The following SNTG1 variants were observed in gnomAD, a reference collection of about 807,000 sequenced individuals.
SNTG1 encodes the protein gamma-1-syntrophin.
In SNTG1, 39 loss-of-function variants were observed where a neutral mutation model predicts 74.7. The ratio of observed to expected loss-of-function variants is 0.52; its 90% CI spans 0.40 to 0.68. SNTG1 has a LOEUF of 0.68. Ranked by LOEUF, SNTG1 falls within the 30% of genes least tolerant of loss-of-function variation. SNTG1 has a pLI of 0.00. For missense variants in SNTG1, 685 were observed against 609.5 expected (o/e 1.12, Z -1.30); for synonymous variants, 254 against 217.1 (o/e 1.17, Z -1.49).
intron 3 of SNTG1, among the ~76,000 whole-genome samples, chr8:50,395,353 C>T (rs958186106): frequency 6.6e-6 from 1 of 151,446 alleles, no homozygotes; most frequent in Non-Finnish European, 1.5e-5. Flanking sequence ...TTTTTGTTTA[C>T]AAACCTTTCT....
At chr8:50,448,044 G>C (rs1383820) in intron 5 of SNTG1, among the ~76,000 whole-genome samples, 6 of 151,772 alleles carry the variant, frequency 4.0e-5, no homozygotes, top group Non-Finnish European at 7.4e-5. Flanking sequence ...CTCTGTTCAG[G>C]TCAGAGGCAG....
chr8:50,413,118 T>A (rs1051715280), intron 4 of SNTG1, among the ~76,000 whole-genome samples: 1 of 152,234 alleles, frequency 6.6e-6, no homozygotes, highest in South Asian at 2.1e-4. Flanking sequence ...TACAGATTTG[T>A]CATACTTACA....
chr8:50,459,042 AGTTTT>A (rs2093535133), intron 8 of SNTG1, among the ~76,000 whole-genome samples: 2 of 152,142 alleles, frequency 1.3e-5, no homozygotes, highest in Admixed American at 6.5e-5. Context: ...ACGGTTTTAT[AGTTTT>A]AACTCTTGTA....
intron 2 of SNTG1, among the ~76,000 whole-genome samples, chr8:50,358,331 T>G (rs2131050765): frequency 6.6e-6 from 1 of 152,342 alleles, no homozygotes; most frequent in Admixed American, 6.5e-5. Context: ...TAAGTTTTTG[T>G]TTTTAACTTC....
intron 9 of SNTG1, among the ~76,000 whole-genome samples, chr8:50,508,849 A>T (rs907326614): frequency 6.7e-6 from 1 of 149,850 alleles, no homozygotes; most frequent in Non-Finnish European, 1.5e-5. Context: ...GATTGCAAAA[A>T]TTTTCTCCCC....
At chr8:49,924,794 C>T (rs935070868) in intron 1 of SNTG1, among the ~76,000 whole-genome samples, 1 of 151,622 alleles carries the variant, frequency 6.6e-6, no homozygotes, top group Non-Finnish European at 1.5e-5. Flanking sequence ...AGAGAAGAGG[C>T]AAGTTGTAAG....
intron 9 of SNTG1, among the ~76,000 whole-genome samples, chr8:50,504,895 A>G (rs1368356520): frequency 6.6e-6 from 1 of 152,218 alleles, no homozygotes; most frequent in East Asian, 1.9e-4. Context: ...AGTGTTCAGA[A>G]GAGTAGCCTT....
intron 4 of SNTG1, among the ~76,000 whole-genome samples, chr8:50,432,831 G>A: frequency 6.7e-6 from 1 of 148,980 alleles, no homozygotes; most frequent in East Asian, 2.0e-4. Context: ...TCACTCTATT[G>A]CCCAGGCTGG....
intron 2 of SNTG1, among the ~76,000 whole-genome samples, chr8:50,373,276 A>G (rs1045592880): frequency 3.9e-5 from 6 of 152,348 alleles, no homozygotes; most frequent in Admixed American, 2.0e-4. Context: ...AAGGAATGCA[A>G]ATATGTTTTC....
intron 2 of SNTG1, among the ~76,000 whole-genome samples, chr8:50,230,327 ACAGAGAAG>A (rs1197199188): frequency 6.6e-6 from 1 of 150,404 alleles, no homozygotes; most frequent in Admixed American, 6.6e-5. Flanking sequence ...GAGAAAGAAA[ACAGAGAAG>A]ACATAAATTA....
At chr8:50,307,250 G>C (rs972074350) in intron 2 of SNTG1, among the ~76,000 whole-genome samples, 1 of 151,922 alleles carries the variant, frequency 6.6e-6, no homozygotes, top group African/African-American at 2.4e-5. Context: ...GGAGACTAAT[G>C]GGTCTTAGGA....
intron 1 of SNTG1, among the ~76,000 whole-genome samples, chr8:50,036,015 T>TA (rs200498441): frequency 1.5e-4 from 22 of 151,502 alleles, no homozygotes; most frequent in South Asian, 1.0e-3. Context: ...CCTGCAAAAT[T>TA]AAAAAAAAAT....
chr8:50,611,713 A>G (rs1018796057), intron 13 of SNTG1, among the ~76,000 whole-genome samples: 1 of 152,126 alleles, frequency 6.6e-6, no homozygotes, highest in Admixed American at 6.5e-5. Context: ...GCTGGAGTCC[A>G]AGAGTTTCAG....
intron 2 of SNTG1, among the ~76,000 whole-genome samples, chr8:50,308,351 C>G (rs1177503018): frequency 6.6e-6 from 1 of 152,058 alleles, no homozygotes; most frequent in Non-Finnish European, 1.5e-5. Context: ...CTGCTTCTCT[C>G]TGCTTCCTCC....
chr8:50,456,389 T>C (rs1323739039), intron 8 of SNTG1, among the ~76,000 whole-genome samples: 1 of 151,156 alleles, frequency 6.6e-6, no homozygotes, highest in African/African-American at 2.4e-5. Flanking sequence ...AATAGAGGCT[T>C]TTTTTTTTCC....
intron 2 of SNTG1, among the ~76,000 whole-genome samples, chr8:50,192,996 T>C (rs2083630360): frequency 6.6e-6 from 1 of 152,120 alleles, no homozygotes; most frequent in Non-Finnish European, 1.5e-5. Context: ...TCTATTCTGT[T>C]TCATTGGTCT....
chr8:50,184,042 T>C (rs1272832066), intron 2 of SNTG1, among the ~76,000 whole-genome samples: 1 of 147,580 alleles, frequency 6.8e-6, no homozygotes, highest in African/African-American at 2.4e-5. Context: ...TCCATTTTTT[T>C]TCCACCCGCT....
chr8:50,552,779 T>G (rs1239257651), intron 11 of SNTG1, among the ~76,000 whole-genome samples: 2 of 152,220 alleles, frequency 1.3e-5, no homozygotes, highest in Non-Finnish European at 2.9e-5. Flanking sequence ...TTCTCTTTTA[T>G]CTACATGTTG....
At chr8:50,296,821 A>T (rs191094687) in intron 2 of SNTG1, among the ~76,000 whole-genome samples, 6 of 151,032 alleles carry the variant, frequency 4.0e-5, no homozygotes, top group African/African-American at 1.5e-4. Context: ...AAGCAAAACG[A>T]AAACAAAAAA....
Sources: allele counts gnomAD v4.1 joint callset (sites outside exome capture counted in the v4.1 genomes callset), GRCh38; gene constraint gnomAD v4.1.1; transcripts MANE v1.5; gene names NCBI Gene and HGNC (gene_info 2026-07-23, HGNC 2026-07-21).